Variants in TRAPPC3L observed in about 807,000 individuals in gnomAD.
TRAPPC3L encodes the protein trafficking protein particle complex subunit 3L.
TRAPPC3L carries 23 observed loss-of-function variants against 23.7 expected under a neutral mutation model. The observed-to-expected ratio is 0.97, with a 90% confidence interval of 0.70 to 1.37. The LOEUF is 1.37. Ranked by LOEUF, TRAPPC3L falls within the 40% of genes most tolerant of loss-of-function variation. The pLI is 0.00. For missense variants in TRAPPC3L, 212 were observed against 216.8 expected, an observed-to-expected ratio of 0.98 and a Z score of 0.14; for synonymous variants, 81 against 77.9, an observed-to-expected ratio of 1.04 and a Z score of -0.21.
At chr6:116,514,396 CTCAT>C (rs1583270466) in intron 3 of TRAPPC3L, among the ~76,000 whole-genome samples, 1 of 152,186 alleles carries the variant, frequency 6.6e-6, no homozygotes, top group African/African-American at 2.4e-5. Context: ...TTGTGCCTCA[CTCAT>C]TAATTATAAG....
chr6:116,501,192 G>T (rs924177480), intron 3 of TRAPPC3L, among the ~76,000 whole-genome samples: 21 of 152,164 alleles, frequency 1.4e-4, no homozygotes, highest in African/African-American at 5.1e-4. Flanking sequence ...ATTCCCTCCC[G>T]AGCCTGTGAC....
chr6:116,529,891 G>A (rs984717451), intron 3 of TRAPPC3L, among the ~76,000 whole-genome samples: 5 of 152,210 alleles, frequency 3.3e-5, no homozygotes, highest in Admixed American at 3.3e-4. Context: ...TAAGAGGAGT[G>A]TGTGCGGAAG....
chr6:116,496,926 C>T lies in TRAPPC3L; in HGVS notation c.*28G>A, dbSNP rs961178962. 1.2e-5 allele frequency: 18 copies of T among 1,532,314 alleles called. No individual in the cohort carries two copies. Among genetic ancestry groups the T allele is most frequent in the South Asian group, 3.7e-5 (3 of 80,128 alleles). 94.9% of individuals were successfully genotyped at this position (1,532,314 alleles called of 1,614,324 possible). A position where few individuals can be genotyped will look rare whatever the true frequency, so the allele number is the denominator to read the frequency against. On this transcript the variant is annotated 3_prime_UTR_variant, in exon 5 of 5. Transcript: ENST00000368602. Reference sequence around the variant, plus strand: ...TTTAGCTAACATTAACTCAGCTAGCCGCCCCGTGGCATTTTCCGTGCTAGT... The same window carrying T: ...TTTAGCTAACATTAACTCAGCTAGCTGCCCCGTGGCATTTTCCGTGCTAGT...
intron 3 of TRAPPC3L, chr6:116,512,352 A>G: frequency 8.5e-7 from 1 of 1,181,694 alleles, no homozygotes; most frequent in Non-Finnish European, 1.2e-6. Context: ...CTAAATGGAA[A>G]CTGAAACATG....
At chr6:116,504,676 A>G (rs1356953976) in intron 3 of TRAPPC3L, among the ~76,000 whole-genome samples, 1 of 152,228 alleles carries the variant, frequency 6.6e-6, no homozygotes, top group African/African-American at 2.4e-5. Context: ...CAAAAAGCTT[A>G]TCCACCACCA....
intron 3 of TRAPPC3L, among the ~76,000 whole-genome samples, chr6:116,502,522 GAAC>G (rs1310661001): frequency 6.6e-6 from 1 of 152,136 alleles, no homozygotes; most frequent in Non-Finnish European, 1.5e-5. Context: ...GAAATACAGA[GAAC>G]ACCACAAAGA....
chr6:116,533,000 G>A (rs543704896), intron 3 of TRAPPC3L, among the ~76,000 whole-genome samples: 1 of 152,260 alleles, frequency 6.6e-6, no homozygotes, highest in East Asian at 1.9e-4. Flanking sequence ...TTAATTTAAA[G>A]CCTATGAGAC....
intron 3 of TRAPPC3L, among the ~76,000 whole-genome samples, chr6:116,500,970 C>A (rs983067842): frequency 3.3e-5 from 5 of 152,180 alleles, no homozygotes; most frequent in Non-Finnish European, 4.4e-5. Context: ...GTACCTGGTT[C>A]ATCTCACTGG....
chr6:116,540,495 T>C (rs1278454864), intron 2 of TRAPPC3L, 33 bp from the exon 3 acceptor site: 6 of 1,539,336 alleles, frequency 3.9e-6, no homozygotes, highest in Non-Finnish European at 4.4e-6. Flanking sequence ...GGTCTGAAAA[T>C]TCTAAGAAAT....
intron 3 of TRAPPC3L, among the ~76,000 whole-genome samples, chr6:116,513,143 T>G (rs1772157657): frequency 6.6e-6 from 1 of 152,196 alleles, no homozygotes; most frequent in Non-Finnish European, 1.5e-5. Flanking sequence ...GAATGCTATC[T>G]GTTTCAGAAT....
chr6:116,538,749 T>TG (rs1773249582), intron 3 of TRAPPC3L, among the ~76,000 whole-genome samples: 4 of 151,580 alleles, frequency 2.6e-5, no homozygotes, highest in Admixed American at 2.6e-4. Context: ...TTTTTTTTTT[T>TG]GAAACAGGGT....
intron 3 of TRAPPC3L, among the ~76,000 whole-genome samples, chr6:116,508,364 G>A (rs1772043203): frequency 6.6e-6 from 1 of 152,162 alleles, no homozygotes; most frequent in African/African-American, 2.4e-5. Context: ...AACATGTCAT[G>A]AGCATAAAAT....
At chr6:116,519,951 A>G (rs1179768697) in intron 3 of TRAPPC3L, 1 of 152,222 alleles carries the variant, frequency 6.6e-6, no homozygotes, top group Non-Finnish European at 1.5e-5. Flanking sequence ...GGGAGAAAAA[A>G]AGGTATGTAA....
At chr6:116,505,202 C>G (rs1771982265) in intron 3 of TRAPPC3L, among the ~76,000 whole-genome samples, 1 of 152,168 alleles carries the variant, frequency 6.6e-6, no homozygotes, top group Non-Finnish European at 1.5e-5. Context: ...GCAAAAATCA[C>G]AAGCATTCTT....
Position 116,540,418 on chromosome 6 carries a change from C to G in TRAPPC3L, c.185G>C (p.Arg62Pro). ...ACTATGGCATCTTCCCACGCAGGAT[C>G]GAGCCAAAAAGTCTTCCACAAGCCG... ...GTRLVEDFLARSCVGRCHSYS... is the reference protein window; with the variant it reads ...GTRLVEDFLAPSCVGRCHSYS... The change falls in exon 3 of 5, where the codon CGA becomes CCA. Residue 62 changes from arginine (R) to proline (P), a missense_variant. Transcript: ENST00000368602. 1.3e-6 allele frequency: 2 copies of G among 1,551,286 alleles called. No homozygotes were observed. The highest frequency in any genetic ancestry group is 3.9e-5 in the Admixed American group (2 of 50,984).
intron 3 of TRAPPC3L, chr6:116,512,452 G>A: frequency 1.9e-6 from 1 of 535,604 alleles, no homozygotes; most frequent in Non-Finnish European, 3.3e-6. Context: ...TTCCGGTTCT[G>A]AAAAGAAAAT....
At chr6:116,498,362 G>A (rs1280389573) in intron 4 of TRAPPC3L, among the ~76,000 whole-genome samples, 1 of 152,136 alleles carries the variant, frequency 6.6e-6, no homozygotes, top group Non-Finnish European at 1.5e-5. Context: ...AGATGCTAGG[G>A]TAGACGCATG....
chr6:116,523,954 T>C (rs901841637), intron 3 of TRAPPC3L: 3 of 152,232 alleles, frequency 2.0e-5, no homozygotes, highest in Admixed American at 6.5e-5. Flanking sequence ...CTTATTTGTA[T>C]CCTGTTTCCA....
chr6:116,536,823 T>G (rs1324256396), intron 3 of TRAPPC3L, among the ~76,000 whole-genome samples: 1 of 152,206 alleles, frequency 6.6e-6, no homozygotes, highest in African/African-American at 2.4e-5. Context: ...TACAGTAAAC[T>G]TCTTCTGAAC....
Sources: gnomAD v4.1 joint callset for allele counts (sites outside exome capture counted in the v4.1 genomes callset) on GRCh38, gnomAD v4.1.1 for gene constraint, MANE v1.5 for transcripts, NCBI Gene and HGNC (gene_info 2026-07-23, HGNC 2026-07-21) for gene names.